The following PAX2 variants were observed in gnomAD, a reference collection of about 807,000 sequenced individuals.
The protein encoded by PAX2 is paired box 2.
PAX2 carries 9 observed loss-of-function variants against 41.7 expected under a neutral mutation model. That is an observed-to-expected ratio of 0.22 (90% confidence interval 0.13 to 0.38). The LOEUF is 0.38. Ranked by LOEUF, PAX2 falls within the 10% of genes least tolerant of loss-of-function variation. The probability of loss-of-function intolerance (pLI) is 1.00; values close to 1 mark genes in which losing one functional copy is unlikely to be tolerated. For synonymous variants in PAX2, 221 were observed against 212.7 expected (o/e 1.04, Z -0.34); for missense variants, 418 against 531.6 (o/e 0.79, Z 2.10).
At chr10:100,737,344 G>A (rs1844805611) in intron 1 of PAX2, among the ~76,000 whole-genome samples, 1 of 152,218 alleles carries the variant, frequency 6.6e-6, no homozygotes, top group Admixed American at 6.5e-5. Context: ...TACTACAGAA[G>A]AGACCAGGGC....
intron 5 of PAX2, among the ~76,000 whole-genome samples, chr10:100,798,427 C>T (rs1381306687): frequency 6.6e-6 from 1 of 151,978 alleles, no homozygotes; most frequent in Admixed American, 6.6e-5. Context: ...ACTTTATGCC[C>T]ACCTCTTGAG....
In PAX2 at chr10:100,750,683, T is replaced by C. The variant is rs1845407620; in HGVS notation, c.213-11T>C. 1 of 1,613,128 alleles carries C rather than the reference T, an allele frequency of 6.2e-7. No individual in the cohort carries two copies. The highest frequency in any genetic ancestry group is 8.5e-7 in the Non-Finnish European group (1 of 1,179,428). On this transcript the variant is annotated splice_polypyrimidine_tract_variant and intron_variant, in intron 2 of 9. Transcript: ENST00000355243. This position sits in a 1 kb window ranked among gnomAD's most constrained non-coding sequence, Gnocchi z 4.1. ...CGCTTCTGGCTGACCCCGCCGGCTT[T>C]CCCGGCGCAGGTACTACGAGACCGG...
intron 5 of PAX2, among the ~76,000 whole-genome samples, chr10:100,785,998 T>C (rs749042358): frequency 1.3e-4 from 20 of 152,212 alleles, no homozygotes; most frequent in Non-Finnish European, 2.4e-4. Context: ...AGGTCGTGAA[T>C]TTAGTGTTGA....
chr10:100,744,318 A>G (rs920462402), upstream of PAX2, among the ~76,000 whole-genome samples: 5 of 152,140 alleles, frequency 3.3e-5, no homozygotes, highest in Non-Finnish European at 7.3e-5. Flanking sequence ...AAGCGGGGGG[A>G]GGGAGCGAAG....
chr10:100,828,406 G>C lies in PAX2; in HGVS notation c.*787G>C. 1 of 234,050 alleles carries C rather than the reference G, an allele frequency of 4.3e-6. No individual in the cohort carries two copies. The highest frequency in any genetic ancestry group is 2.2e-5 in the African/African-American group (1 of 45,432). 14.5% of individuals were successfully genotyped at this position (234,050 alleles called of 1,614,324 possible). A position where few individuals can be genotyped will look rare whatever the true frequency, so the allele number is the denominator to read the frequency against. Reference sequence around the variant, plus strand: ...AGTTCCCCAGGGCCCGGCACCTCCTGCTGCGAGACCCGGCTCTCAGCCCTG... The same window carrying C: ...AGTTCCCCAGGGCCCGGCACCTCCTCCTGCGAGACCCGGCTCTCAGCCCTG... On this transcript the variant is annotated 3_prime_UTR_variant, in exon 10 of 10. Coordinates refer to ENST00000355243, the MANE Select transcript of PAX2 (RefSeq NM_000278.5). This position sits in a 1 kb window ranked among gnomAD's most constrained non-coding sequence, Gnocchi z 6.5.
intron 1 of PAX2, among the ~76,000 whole-genome samples, chr10:100,737,751 C>G (rs1002793163): frequency 1.9e-4 from 29 of 152,250 alleles, no homozygotes; most frequent in African/African-American, 6.0e-4. Context: ...GCCCTGCCCC[C>G]CTAGACGGCC....
At chr10:100,752,664 G>T (rs1423781350) in intron 3 of PAX2, among the ~76,000 whole-genome samples, 1 of 152,168 alleles carries the variant, frequency 6.6e-6, no homozygotes, top group Non-Finnish European at 1.5e-5. Flanking sequence ...CAAGCCTTTG[G>T]AGAAACCCAA....
rs562508980 is a variant in PAX2, at chr10:100,780,559, C to T, written c.497-687C>T. On this transcript the variant is annotated intron_variant, in intron 4 of 9. Coordinates refer to ENST00000355243, the MANE Select transcript of PAX2 (RefSeq NM_000278.5). ...TGCTGGGAGGGAGGGTTGGGCCAGG[C>T]TGTACCTGAGTTGATCACCATAGAG... Among the ~76,000 whole-genome samples, 6 of 152,290 alleles carry T rather than the reference C, an allele frequency of 3.9e-5. No individual in the cohort carries two copies. In the East Asian group the frequency reaches 1.2e-3, roughly 29 times the overall value.
chr10:100,809,080 G>A, intron 6 of PAX2, 30 bp from the exon 7 acceptor site: 1 of 1,610,548 alleles, frequency 6.2e-7, no homozygotes, highest in Non-Finnish European at 8.5e-7. Context: ...TGCATCAATA[G>A]AGAGCTGTCA....
Position 100,809,131 on chromosome 10 carries a change from G to A in PAX2, c.814G>A (p.Ala272Thr), listed in dbSNP as rs762149868. The change falls in exon 7 of 10, where the codon GCC (alanine) becomes ACC (threonine). Residue 272 changes from alanine to threonine, a missense_variant. This residue lies in a region of PAX2 where 310 missense variants were observed against 325.2 expected (regional missense o/e 0.95). Transcript: ENST00000355243. ...SEQGNEYSLP[A>T]LTPGLDEVKS... Reference sequence around the variant, plus strand: ...CCAGGGGAACGAGTACTCCCTCCCAGCCCTGACCCCTGGGCTTGATGAAGT... The same window carrying A: ...CCAGGGGAACGAGTACTCCCTCCCAACCCTGACCCCTGGGCTTGATGAAGT... The A allele has an allele frequency of 6.2e-7, 1 of 1,613,518 alleles. No individual in the cohort carries two copies. Among genetic ancestry groups the A allele is most frequent in the Non-Finnish European group, 8.5e-7 (1 of 1,179,556 alleles).
rs1848459279 is a variant in PAX2, at chr10:100,824,144, C to T, written c.920-504C>T. Among the ~76,000 whole-genome samples the T allele has an allele frequency of 6.6e-6, 1 of 152,090 alleles. No homozygotes were observed. The highest frequency in any genetic ancestry group is 6.5e-5 in the Admixed American group (1 of 15,268). On this transcript the variant is annotated intron_variant, in intron 7 of 9. Transcript: ENST00000355243. This position sits in a 1 kb window ranked among gnomAD's most constrained non-coding sequence, Gnocchi z 6.6. ...GAGAGGACAAGGAATAGCCATCAGT[C>T]CCTGTAGGGGTGATGGTGGGGTGTC...
intron 7 of PAX2, among the ~76,000 whole-genome samples, chr10:100,812,513 G>A (rs1848028805): frequency 6.6e-6 from 1 of 152,160 alleles, no homozygotes; most frequent in African/African-American, 2.4e-5. Context: ...CCCTCCAAAG[G>A]AGCCCAGAGG....
chr10:100,748,330 G>A lies in PAX2; in HGVS notation c.44-1416G>A, dbSNP rs1194874675. ...TGGGGCTAGAGATAGGGAGATTAAC[G>A]GGGTGGGCAAGGGGGTAAAAGAAGG... On this transcript the variant is annotated intron_variant, in intron 1 of 9. Transcript: ENST00000355243. The surrounding 1 kb of genome is among the most constrained non-coding windows in gnomAD (Gnocchi z 5.0). 4 of 984,496 alleles carry A rather than the reference G, an allele frequency of 4.1e-6. No individual in the cohort carries two copies. The highest frequency in any genetic ancestry group is 4.8e-6 in the Non-Finnish European group (4 of 829,364). 61.0% of individuals were successfully genotyped at this position (984,496 alleles called of 1,614,324 possible). A position where few individuals can be genotyped will look rare whatever the true frequency, so the allele number is the denominator to read the frequency against.
At chr10:100,747,985 A>G in intron 1 of PAX2, 1 of 982,592 alleles carries the variant, frequency 1.0e-6, no homozygotes, top group Non-Finnish European at 1.2e-6. Flanking sequence ...TCGGAGGGAG[A>G]GAGCCGCAGC....
intron 3 of PAX2, 91 bp from the exon 4 acceptor site, chr10:100,779,407 T>C (rs868385559): frequency 1.2e-5 from 13 of 1,080,274 alleles, no homozygotes; most frequent in African/African-American, 4.7e-5. Context: ...GCTGAGGAAC[T>C]TGGGAGAGAG....
chr10:100,737,100 C>G (rs1844798448), intron 1 of PAX2, among the ~76,000 whole-genome samples: 1 of 152,188 alleles, frequency 6.6e-6, no homozygotes, highest in Non-Finnish European at 1.5e-5. Flanking sequence ...CCTTCTTTCC[C>G]TTTCCCATTT....
At position 100,824,873 on chromosome 10, in the gene PAX2, A is replaced by G. The variant is rs749631311; in HGVS notation, c.1021+124A>G. On this transcript the variant is annotated intron_variant, in intron 8 of 9. Coordinates refer to ENST00000355243, the MANE Select transcript of PAX2 (RefSeq NM_000278.5). The surrounding 1 kb of genome is among the most constrained non-coding windows in gnomAD (Gnocchi z 6.6). ...ACACAACGTCCCCTCCCTGCAAACC[A>G]CTGCTATTCTGTCCCTCTCTCTCCT... The G allele has an allele frequency of 1.9e-6, 3 of 1,595,658 alleles. No individual in the cohort carries two copies. Among genetic ancestry groups the G allele is most frequent in the Non-Finnish European group, 2.6e-6 (3 of 1,163,258 alleles).
chr10:100,812,955 A>G (rs760426059), intron 7 of PAX2, among the ~76,000 whole-genome samples: 17 of 152,242 alleles, frequency 1.1e-4, no homozygotes, highest in Non-Finnish European at 2.4e-4. Context: ...TCCCTGGGCC[A>G]CTTTGGAAGG....
chr10:100,774,543 G>A (rs1024489554), intron 3 of PAX2, among the ~76,000 whole-genome samples: 3 of 152,090 alleles, frequency 2.0e-5, no homozygotes, highest in African/African-American at 7.2e-5. Context: ...GCATTGACCA[G>A]TCTGGGGCAT....
Sources: allele counts gnomAD v4.1 joint callset (sites outside exome capture counted in the v4.1 genomes callset), GRCh38; gene constraint gnomAD v4.1.1; regional missense constraint gnomAD v4.1.1; non-coding constraint Gnocchi (gnomAD v3.1); transcripts MANE v1.5; gene names NCBI Gene and HGNC (gene_info 2026-07-23, HGNC 2026-07-21).